The following SLC25A5 variants were observed in gnomAD, a reference collection of about 807,000 sequenced individuals.
SLC25A5 encodes ADP/ATP translocase 2.
In SLC25A5, 4 loss-of-function variants were observed where a neutral mutation model predicts 16.5. That is an observed-to-expected ratio of 0.24 (90% CI 0.12 to 0.56). The LOEUF is 0.56. Among genes scored for constraint, SLC25A5 ranks in the 20% least tolerant of loss-of-function variants. The pLI, the probability that SLC25A5 is intolerant of heterozygous loss-of-function variation, is 0.93. For synonymous variants in SLC25A5, 60 were observed against 95.2 expected, an observed-to-expected ratio of 0.63 and a Z score of 2.15; for missense variants, 88 against 248.0, an observed-to-expected ratio of 0.35 and a Z score of 4.33.
intron 1 of SLC25A5, 143 bp downstream of exon 1, chrX:119,468,769 G>A: frequency 2.0e-6 from 1 of 509,425 alleles, no homozygotes; most frequent in Non-Finnish European, 3.3e-6. Context: ...GGGCGCAGAG[G>A]CAGAACAGAA....
intron 3 of SLC25A5, 38 bp from the exon 4 acceptor site, chrX:119,470,863 G>T (rs1240119302): frequency 9.3e-6 from 11 of 1,181,423 alleles, no homozygotes; most frequent in Non-Finnish European, 1.3e-5. Flanking sequence ...TTTTTCATCG[G>T]CCTTCAGTCA....
At chrX:119,470,215 A>G in intron 2 of SLC25A5, 68 bp downstream of exon 2, 1 of 1,142,605 alleles carries the variant, frequency 8.8e-7, no homozygotes, top group Non-Finnish European at 1.2e-6. Flanking sequence ...GTACCAACCT[A>G]ACAGTCCAAG....
At position 119,468,752 on chromosome X, in the gene SLC25A5, C is replaced by T. The variant is rs1381365502; in HGVS notation, c.111+126C>T. The T allele has an allele frequency of 2.2e-5, 12 of 555,358 alleles. No individual in the cohort carries two copies. In the South Asian group the frequency reaches 3.5e-4, roughly 16 times the overall value. The allele number at this position is 555,358 out of a possible 1,213,427, so 45.8% of individuals were successfully genotyped here. ...GCCAGGGAAGCGGCTTAGGAGAGGC[C>T]AGAGCGGGGCGCAGAGGCAGAACAG... On this transcript the variant is annotated intron_variant, in intron 1 of 3. Transcript: ENST00000317881.
At position 119,468,692 on chromosome X, in the gene SLC25A5, C is replaced by T. The variant is rs1297548122; in HGVS notation, c.111+66C>T. The T allele has an allele frequency of 7.2e-6, 7 of 966,297 alleles. No homozygotes were observed. The Admixed American group carries it at 1.6e-4, about 22-fold the overall frequency. The allele number at this position is 966,297 out of a possible 1,213,427, so 79.6% of individuals were successfully genotyped here. On this transcript the variant is annotated intron_variant, in intron 1 of 3. Transcript: ENST00000317881. ...GAAGGGTCGCACAGAAGGCGGGCGC[C>T]CGAGGGGTGGCGGGGAGCGAACTCT...
At chrX:119,468,753 A>G in intron 1 of SLC25A5, 127 bp downstream of exon 1, 1 of 557,707 alleles carries the variant, frequency 1.8e-6, no homozygotes, top group Admixed American at 3.4e-5. Context: ...AGGAGAGGCC[A>G]GAGCGGGGCG....
In SLC25A5 at chrX:119,471,335, A is replaced by G; in HGVS notation, c.*277A>G. On this transcript the variant is annotated 3_prime_UTR_variant, in exon 4 of 4. Coordinates refer to ENST00000317881, the MANE Select transcript of SLC25A5 (RefSeq NM_001152.5). ...CTAAAATAAATTTTGTCTGCAGTAT[A>G]TTTTCATATAAAAATGCATATTTGA... The G allele has an allele frequency of 4.6e-6, 1 of 216,976 alleles. No homozygotes were observed. Among genetic ancestry groups the G allele is most frequent in the Non-Finnish European group, 8.3e-6 (1 of 120,178 alleles). 17.9% of individuals were successfully genotyped at this position (216,976 alleles called of 1,213,427 possible).
chrX:119,470,329 T>G (rs758654453), intron 2 of SLC25A5, 44 bp from the exon 3 acceptor site: 18 of 1,150,309 alleles, frequency 1.6e-5, no homozygotes, highest in Non-Finnish European at 2.0e-5. Flanking sequence ...AGGAAGTCAG[T>G]AAAACTCTGC....
At position 119,468,529 on chromosome X, in the gene SLC25A5, C is replaced by A. The variant is rs2052802002; in HGVS notation, c.14C>A (p.Ala5Asp). 1 of 1,209,397 alleles carries A rather than the reference C, an allele frequency of 8.3e-7. No individual in the cohort carries two copies. The highest frequency in any genetic ancestry group is 1.7e-5 in the African/African-American group (1 of 57,873). Reference sequence around the variant, plus strand: ...TCCTCTTTCAACATGACAGATGCCGCTGTGTCCTTCGCCAAGGACTTCCTG... The same window carrying A: ...TCCTCTTTCAACATGACAGATGCCGATGTGTCCTTCGCCAAGGACTTCCTG... Reference protein sequence around the residue: MTDAAVSFAKDFLAG... With the variant: MTDADVSFAKDFLAG... The change falls in exon 1 of 4, where the codon GCT becomes GAT. Residue 5 changes from alanine (A) to aspartate (D), a missense_variant. Transcript: ENST00000317881.
intron 2 of SLC25A5, 108 bp from the exon 3 acceptor site, chrX:119,470,265 G>A: frequency 8.9e-7 from 1 of 1,118,737 alleles, no homozygotes; most frequent in Admixed American, 2.7e-5. Flanking sequence ...AGGAAGCCAA[G>A]ATCATCCAAT....
Position 119,468,477 on chromosome X carries a change from C to T in SLC25A5, c.-39C>T, listed in dbSNP as rs755557887. ...CGCCGGAGTCAAAGCCGGTTCCCGG[C>T]CCAGTCCCGTCCTGCAGCAGTCTGC... On this transcript the variant is annotated 5_prime_UTR_variant, in exon 1 of 4. Coordinates refer to ENST00000317881, the MANE Select transcript of SLC25A5 (RefSeq NM_001152.5). The T allele has an allele frequency of 2.5e-5, 29 of 1,139,028 alleles. No individual in the cohort carries two copies. Among genetic ancestry groups the T allele is most frequent in the East Asian group, 1.5e-4 (5 of 33,106 alleles). 93.9% of individuals were successfully genotyped at this position (1,139,028 alleles called of 1,213,427 possible).
Position 119,468,564 on chromosome X carries a change from G to A in SLC25A5, c.49G>A (p.Val17Met), listed in dbSNP as rs767542233. ...CGCCAAGGACTTCCTGGCAGGTGGA[G>A]TGGCCGCAGCCATCTCCAAGACGGC... is the stretch of plus-strand genomic sequence containing the variant. ...SFAKDFLAGG[V>M]AAAISKTAVA... Residue 17 changes from valine to methionine, a missense_variant, in exon 1 of 4, where the codon GTG becomes ATG. By Grantham distance (21) the Val-to-Met change is conservative. Transcript: ENST00000317881. 4 of 1,210,270 alleles carry A rather than the reference G, an allele frequency of 3.3e-6. No individual in the cohort carries two copies. The African/African-American group carries it at 6.9e-5, about 21-fold the overall frequency.
rs181209417 is a variant in SLC25A5 at position 119,470,823 on chromosome X, C to T, written c.740-78C>T. On this transcript the variant is annotated intron_variant, in intron 3 of 3. Coordinates refer to ENST00000317881, the MANE Select transcript of SLC25A5 (RefSeq NM_001152.5). Reference sequence around the variant, plus strand: ...AGCTGACGTTCTTAGAGGTGGGGCTCTGCTTTATTTAGCCTAGTGAATCTT... The same window carrying T: ...AGCTGACGTTCTTAGAGGTGGGGCTTTGCTTTATTTAGCCTAGTGAATCTT... 1,682 of 1,072,900 alleles carry T rather than the reference C, an allele frequency of 1.6e-3. 1 individual carries two copies. The highest frequency in any genetic ancestry group is 1.8e-3 in the Non-Finnish European group (1,397 of 795,435). 88.4% of individuals were successfully genotyped at this position (1,072,900 alleles called of 1,213,427 possible).
chrX:119,468,690 G>A (rs1487656032), intron 1 of SLC25A5, 64 bp downstream of exon 1: 11 of 973,534 alleles, frequency 1.1e-5, no homozygotes, highest in Non-Finnish European at 1.1e-5. Context: ...GAAGGCGGGC[G>A]CCCGAGGGGT....
intron 1 of SLC25A5, 96 bp from the exon 2 acceptor site, chrX:119,469,565 C>A: frequency 9.9e-7 from 1 of 1,013,669 alleles, no homozygotes; most frequent in Non-Finnish European, 1.3e-6. Flanking sequence ...AGAGGGGAGC[C>A]TACCTTAAAG....
intron 3 of SLC25A5, 89 bp downstream of exon 3, chrX:119,470,602 C>T: frequency 9.5e-7 from 1 of 1,054,317 alleles, no homozygotes; most frequent in South Asian, 2.1e-5. Context: ...AAATGGCTGT[C>T]TGTCCAAGTC....
chrX:119,471,340 C>A lies in SLC25A5; in HGVS notation c.*282C>A. On this transcript the variant is annotated 3_prime_UTR_variant, in exon 4 of 4. Coordinates refer to ENST00000317881, the MANE Select transcript of SLC25A5 (RefSeq NM_001152.5). ...ATAAATTTTGTCTGCAGTATATTTT[C>A]ATATAAAAATGCATATTTGAGTGCT... The A allele has an allele frequency of 6.9e-6, 1 of 144,551 alleles. No homozygotes were observed. Among genetic ancestry groups the A allele is most frequent in the Non-Finnish European group, 1.2e-5 (1 of 86,820 alleles). 11.9% of individuals were successfully genotyped at this position (144,551 alleles called of 1,213,427 possible).
intron 3 of SLC25A5, 59 bp downstream of exon 3, chrX:119,470,572 A>T: frequency 1.7e-5 from 19 of 1,094,574 alleles, no homozygotes; most frequent in Non-Finnish European, 2.3e-5. Context: ...GCTGCCACAA[A>T]CTGGTGATAC....
At chrX:119,468,707 GAGCGAACTCTAAAGACATGGCCAGGGA>G in intron 1 of SLC25A5, 81 bp downstream of exon 1, 1 of 825,501 alleles carries the variant, frequency 1.2e-6, no homozygotes, top group Non-Finnish European at 1.8e-6. Flanking sequence ...GGGTGGCGGG[GAGCGAACTCTAAAGACATGGCCAGGGA>G]AGCGGCTTAG....
At position 119,468,461 on chromosome X, in the gene SLC25A5, C is replaced by T. The variant is rs749703747; in HGVS notation, c.-55C>T. 8 of 1,079,165 alleles carry T rather than the reference C, an allele frequency of 7.4e-6. No individual in the cohort carries two copies. The highest frequency in any genetic ancestry group is 3.8e-6 in the Non-Finnish European group (3 of 782,568). 88.9% of individuals were successfully genotyped at this position (1,079,165 alleles called of 1,213,427 possible). A position where few individuals can be genotyped will look rare whatever the true frequency, so the allele number is the denominator to read the frequency against. ...TCGCTCCGCCCCGCAGCGCCGGAGT[C>T]AAAGCCGGTTCCCGGCCCAGTCCCG... is the stretch of plus-strand genomic sequence containing the variant. On this transcript the variant is annotated 5_prime_UTR_variant, in exon 1 of 4. Transcript: ENST00000317881.
Sources: allele counts gnomAD v4.1 joint callset, GRCh38; gene constraint gnomAD v4.1.1; transcripts MANE v1.5; gene names NCBI Gene and HGNC (gene_info 2026-07-23, HGNC 2026-07-21).